SH3GL3: variants seen among roughly 807,000 people sequenced by gnomAD.
SH3GL3 encodes SH3 domain containing GRB2 like 3, endophilin A3, also known as endophilin-A3.
Under a neutral mutation model 47.7 loss-of-function variants are expected in SH3GL3, and 33 were observed. The ratio of observed to expected loss-of-function variants is 0.69; its 90% confidence interval spans 0.52 to 0.92. SH3GL3 has a LOEUF of 0.92. Ranked by LOEUF, SH3GL3 falls within the 40% of genes least tolerant of loss-of-function variation. The pLI, the probability that SH3GL3 is intolerant of heterozygous loss-of-function variation, is 0.00. For missense variants in SH3GL3, 363 were observed against 417.8 expected (o/e 0.87, Z 1.14); for synonymous variants, 155 against 148.8 (o/e 1.04, Z -0.30).
chr15:83,588,847 C>T (rs773116647), intron 8 of SH3GL3, 76 bp downstream of exon 8: 20 of 802,432 alleles, frequency 2.5e-5, no homozygotes, highest in Non-Finnish European at 4.4e-5. Context: ...CTGCTTGTTT[C>T]TGGGTCAGTG....
chr15:83,619,227 T>G (rs2060901272), downstream of SH3GL3, among the ~76,000 whole-genome samples: 1 of 152,194 alleles, frequency 6.6e-6, no homozygotes, highest in African/African-American at 2.4e-5. Context: ...CTGACTTACC[T>G]AGGATCAAAC....
At chr15:83,523,558 G>C (rs2043293698) in intron 1 of SH3GL3, among the ~76,000 whole-genome samples, 1 of 152,210 alleles carries the variant, frequency 6.6e-6, no homozygotes, top group Non-Finnish European at 1.5e-5. Context: ...CTTAACTTTT[G>C]AGTTAGGAAT....
chr15:83,505,125 G>C (rs1370105409), intron 1 of SH3GL3, among the ~76,000 whole-genome samples: 1 of 152,084 alleles, frequency 6.6e-6, no homozygotes, highest in African/African-American at 2.4e-5. Context: ...CTGTTCTCCT[G>C]TTCGTGGTCA....
chr15:83,540,868 A>G (rs1252324567), intron 1 of SH3GL3, among the ~76,000 whole-genome samples: 1 of 152,136 alleles, frequency 6.6e-6, no homozygotes, highest in Admixed American at 6.6e-5. Flanking sequence ...GTGATATCAA[A>G]TATTATCTCT....
intron 8 of SH3GL3, among the ~76,000 whole-genome samples, chr15:83,594,903 G>A (rs112239497): frequency 0.034 from 5,152 of 152,280 alleles, 276 homozygotes; most frequent in African/African-American, 0.11. Flanking sequence ...ACTGCTGGTG[G>A]CAATGTAGAT....
intron 1 of SH3GL3, among the ~76,000 whole-genome samples, chr15:83,488,825 G>T (rs1313890238): frequency 6.6e-6 from 1 of 152,182 alleles, no homozygotes; most frequent in African/African-American, 2.4e-5. Flanking sequence ...TCTGATTTGG[G>T]CATATGGTCA....
At position 83,471,111 on chromosome 15, in the gene SH3GL3, G is replaced by T. The variant is rs148704743; in HGVS notation, c.45+23533G>T. On this transcript the variant is annotated intron_variant, in intron 1 of 8. Coordinates refer to ENST00000427482, the MANE Select transcript of SH3GL3 (RefSeq NM_003027.5). The stretch of plus-strand genomic sequence containing the variant: ...ACTTTTTTCTTTTCTGATGTTCCAA[G>T]ATTCTGTTTTTTATTGTTTCTTTTA... Among the ~76,000 whole-genome samples, 273 of 152,218 alleles carry T rather than the reference G, an allele frequency of 1.8e-3. 2 individuals carry two copies. The highest frequency in any genetic ancestry group is 3.7e-4 in the Non-Finnish European group (25 of 68,004).
chr15:83,518,861 C>T (rs1403128527), intron 1 of SH3GL3, among the ~76,000 whole-genome samples: 1 of 152,042 alleles, frequency 6.6e-6, no homozygotes, highest in East Asian at 1.9e-4. Flanking sequence ...TTCTAGAATT[C>T]TTATAGTTTG....
chr15:83,471,051 T>C (rs1047531451), intron 1 of SH3GL3, among the ~76,000 whole-genome samples: 66 of 152,168 alleles, frequency 4.3e-4, no homozygotes, highest in Non-Finnish European at 7.3e-5. Context: ...TGGAAAGGAG[T>C]CTATTATGTT....
intron 6 of SH3GL3, among the ~76,000 whole-genome samples, chr15:83,577,311 C>T (rs1387761794): frequency 6.6e-6 from 1 of 152,208 alleles, no homozygotes; most frequent in African/African-American, 2.4e-5. Flanking sequence ...GACAAACTTG[C>T]TCTAAAGCCT....
intron 1 of SH3GL3, among the ~76,000 whole-genome samples, chr15:83,515,115 G>C (rs908653061): frequency 3.9e-5 from 6 of 152,138 alleles, no homozygotes; most frequent in African/African-American, 1.2e-4. Context: ...GACCTCTAGA[G>C]CTGTGAGAAA....
intron 1 of SH3GL3, among the ~76,000 whole-genome samples, chr15:83,543,475 T>C (rs989305364): frequency 6.6e-6 from 1 of 152,044 alleles, no homozygotes; most frequent in African/African-American, 2.4e-5. Flanking sequence ...TTTTGATGTA[T>C]CTTTGACTGG....
chr15:83,531,420 G>A (rs1732405282), intron 1 of SH3GL3, among the ~76,000 whole-genome samples: 1 of 152,142 alleles, frequency 6.6e-6, no homozygotes, highest in African/African-American at 2.4e-5. Context: ...CCAGGCAATG[G>A]GAACAGCATA....
intron 2 of SH3GL3, among the ~76,000 whole-genome samples, chr15:83,563,614 G>A (rs17526006): frequency 0.18 from 27,444 of 151,750 alleles, 3,090 homozygotes; most frequent in Non-Finnish European, 0.25. Flanking sequence ...TCAAATCTTT[G>A]TAGGCAGCTT....
At chr15:83,505,448 G>C (rs563263650) in intron 1 of SH3GL3, among the ~76,000 whole-genome samples, 2 of 151,472 alleles carry the variant, frequency 1.3e-5, no homozygotes, top group African/African-American at 4.9e-5. Flanking sequence ...TATCTCATTG[G>C]GATTTTAATT....
intron 8 of SH3GL3, among the ~76,000 whole-genome samples, chr15:83,613,445 G>A (rs2060723722): frequency 6.6e-6 from 1 of 152,204 alleles, no homozygotes; most frequent in South Asian, 2.1e-4. Context: ...GAGTAATGCA[G>A]CTTTTCCATG....
intron 1 of SH3GL3, among the ~76,000 whole-genome samples, chr15:83,500,670 T>C (rs2042258378): frequency 6.6e-6 from 1 of 152,222 alleles, no homozygotes; most frequent in Non-Finnish European, 1.5e-5. Flanking sequence ...ACTGGGCAGA[T>C]CAATTTCCCT....
At chr15:83,579,587 G>C (rs1183514907) in intron 6 of SH3GL3, among the ~76,000 whole-genome samples, 1 of 152,164 alleles carries the variant, frequency 6.6e-6, no homozygotes, top group East Asian at 1.9e-4. Context: ...TAATGGTGGT[G>C]ATCGTGATAA....
chr15:83,518,178 A>C (rs562935213), intron 1 of SH3GL3, among the ~76,000 whole-genome samples: 1 of 152,192 alleles, frequency 6.6e-6, no homozygotes, highest in South Asian at 2.1e-4. Flanking sequence ...TGCTATTGTG[A>C]ATAGTGCTAC....
Sources: allele counts gnomAD v4.1 joint callset (sites outside exome capture counted in the v4.1 genomes callset), GRCh38; gene constraint gnomAD v4.1.1; transcripts MANE v1.5; gene names NCBI Gene and HGNC (gene_info 2026-07-23, HGNC 2026-07-21).